Variants in PTCHD1 observed in about 807,000 individuals in gnomAD.
The protein encoded by PTCHD1 is patched domain containing 1.
Under a neutral mutation model 34.6 loss-of-function variants are expected in PTCHD1, and 3 were observed. That is an observed-to-expected ratio of 0.09 (90% CI 0.04 to 0.22). The LOEUF (loss-of-function observed/expected upper bound fraction) is 0.22, where lower values mean the gene tolerates loss of function less well. Ranked by LOEUF, PTCHD1 falls within the 10% of genes least tolerant of loss-of-function variation. The pLI is 1.00. For synonymous variants in PTCHD1, 305 were observed against 283.1 expected (o/e 1.08, Z -0.77); for missense variants, 504 against 685.5 (o/e 0.74, Z 2.96).
chrX:23,356,714 G>C (rs1382225504), intron 1 of PTCHD1, among the ~76,000 whole-genome samples: 1 of 112,238 alleles, frequency 8.9e-6, no homozygotes, highest in Non-Finnish European at 1.9e-5. Flanking sequence ...CAGCATGAGA[G>C]AGGCAGTTGC....
intron 2 of PTCHD1, 45 bp downstream of exon 2, chrX:23,380,296 T>G (rs780949048): frequency 2.2e-5 from 25 of 1,124,392 alleles, no homozygotes; most frequent in East Asian, 3.0e-5. Context: ...GCTGGTGGTG[T>G]TGACTAGGTT....
chrX:23,392,240 C>T (rs1922856789), intron 2 of PTCHD1, among the ~76,000 whole-genome samples: 1 of 109,131 alleles, frequency 9.2e-6, no homozygotes, highest in South Asian at 4.0e-4. Context: ...AAAAGTTCAT[C>T]TAAGTGCTGT....
chrX:23,397,804 A>G lies in PTCHD1; in HGVS notation c.*3619A>G, dbSNP rs1923027354. The stretch of plus-strand genomic sequence containing the variant: ...AGCTCAGCTGTGTCCATCACAAGAA[A>G]AGGTGGAATGGGCAGCTGTCTTGGG... On this transcript the variant is annotated 3_prime_UTR_variant, in exon 3 of 3. Transcript: ENST00000379361. 1.8e-5 allele frequency: 2 copies of G among 111,424 alleles called. No homozygotes were observed. The highest frequency in any genetic ancestry group is 1.9e-4 in the Admixed American group (2 of 10,488). The allele number at this position is 111,424 out of a possible 1,213,427, so 9.2% of individuals were successfully genotyped here.
intron 1 of PTCHD1, among the ~76,000 whole-genome samples, chrX:23,371,274 C>G (rs1922271078): frequency 9.0e-6 from 1 of 111,668 alleles, no homozygotes; most frequent in Non-Finnish European, 1.9e-5. Context: ...AACCTGGAGT[C>G]AAGCACTTCA....
intron 1 of PTCHD1, among the ~76,000 whole-genome samples, chrX:23,377,974 TC>T (rs1922456889): frequency 8.9e-6 from 1 of 112,044 alleles, no homozygotes; most frequent in Non-Finnish European, 1.9e-5. Context: ...AATTCTAGCT[TC>T]TTTACAGATG....
At chrX:23,390,338 AAAAAAAAC>A (rs1261158984) in intron 2 of PTCHD1, among the ~76,000 whole-genome samples, 10 of 109,132 alleles carry the variant, frequency 9.2e-5, no homozygotes, top group African/African-American at 3.4e-4. Context: ...GGAAAAAAAA[AAAAAAAAC>A]AAAAAAAACA....
intron 1 of PTCHD1, among the ~76,000 whole-genome samples, chrX:23,371,416 T>A (rs1161379474): frequency 8.9e-6 from 1 of 111,841 alleles, no homozygotes; most frequent in Non-Finnish European, 1.9e-5. Flanking sequence ...TGGAGTTTAA[T>A]CCTGCTGGGG....
chrX:23,392,742 T>C lies in PTCHD1; in HGVS notation c.1224T>C (p.Ile408=). 4.1e-6 allele frequency: 5 copies of C among 1,211,914 alleles called. No individual in the cohort carries two copies. The South Asian group carries it at 5.3e-5, about 13-fold the overall frequency. Residue 408 remains isoleucine (I), a synonymous_variant, in exon 3 of 3, where the codon ATT becomes ATC. Coordinates refer to ENST00000379361, the MANE Select transcript of PTCHD1 (RefSeq NM_173495.3). ...AARIFCCNSC[I]AIFFNYLYVL... is the part of the protein sequence containing the mutation. ...GGATTTTCTGCTGCAATTCCTGTATTGCAATCTTCTTCAACTACCTCTATG... is the reference window on the plus strand; with the variant it reads ...GGATTTTCTGCTGCAATTCCTGTATCGCAATCTTCTTCAACTACCTCTATG...
Position 23,380,470 on chromosome X carries a change from G to T in PTCHD1, c.1012+219G>T, listed in dbSNP as rs760595067. ...GTTCAAAGTCCTGGGTTCTAGCGCTGACTCTCCATTGAGCAGCCATGTGGT... is the reference window on the plus strand; with the variant it reads ...GTTCAAAGTCCTGGGTTCTAGCGCTTACTCTCCATTGAGCAGCCATGTGGT... On this transcript the variant is annotated intron_variant, in intron 2 of 2. Transcript: ENST00000379361. 892 of 471,204 alleles carry T rather than the reference G, an allele frequency of 1.9e-3. 3 individuals carry two copies. Among genetic ancestry groups the T allele is most frequent in the Middle Eastern group, 5.7e-3 (10 of 1,769 alleles). The allele number at this position is 471,204 out of a possible 1,213,427, so 38.8% of individuals were successfully genotyped here. A position where few individuals can be genotyped will look rare whatever the true frequency, so the allele number is the denominator to read the frequency against.
At chrX:23,377,043 G>A (rs765502322) in intron 1 of PTCHD1, among the ~76,000 whole-genome samples, 21 of 112,142 alleles carry the variant, frequency 1.9e-4, no homozygotes, top group Middle Eastern at 9.2e-3. Flanking sequence ...ACAGTTGGAA[G>A]ATCCCTAAAG....
At position 23,382,917 on chromosome X, in the gene PTCHD1, G is replaced by A. The variant is rs1922601418; in HGVS notation, c.1012+2666G>A. On this transcript the variant is annotated intron_variant, in intron 2 of 2. Coordinates refer to ENST00000379361, the MANE Select transcript of PTCHD1 (RefSeq NM_173495.3). ...ATAAAGCTAACAGTGCCTGGATTTA[G>A]GATGGTCGCCCTCCTGTATTTCTCA... is the stretch of plus-strand genomic sequence containing the variant. Among the ~76,000 whole-genome samples the A allele has an allele frequency of 3.6e-5, 4 of 112,411 alleles. No homozygotes were observed. The South Asian group carries it at 1.1e-3, about 31-fold the overall frequency.
intron 1 of PTCHD1, among the ~76,000 whole-genome samples, chrX:23,377,594 G>A (rs948907546): frequency 3.7e-5 from 4 of 108,819 alleles, no homozygotes; most frequent in African/African-American, 1.0e-4. Context: ...GTGTGTGTGT[G>A]TGTGTGTGTG....
At chrX:23,356,124 G>A (rs1179872562) in intron 1 of PTCHD1, among the ~76,000 whole-genome samples, 1 of 111,934 alleles carries the variant, frequency 8.9e-6, no homozygotes, top group Admixed American at 9.5e-5. Context: ...TTCAGGACAT[G>A]CAAGGGGAAG....
chrX:23,387,725 A>ATC (rs1359718737), intron 2 of PTCHD1, among the ~76,000 whole-genome samples: 3 of 110,120 alleles, frequency 2.7e-5, no homozygotes, highest in East Asian at 2.9e-4. Flanking sequence ...GCTCCCTTCA[A>ATC]TCTCTCTCTC....
chrX:23,336,503 G>A (rs1466350803), intron 1 of PTCHD1, among the ~76,000 whole-genome samples: 1 of 111,770 alleles, frequency 8.9e-6, no homozygotes, highest in African/African-American at 3.3e-5. Flanking sequence ...ACAGGTAATA[G>A]TTTATCCCTA....
At chrX:23,335,269 CCGCGGT>C (rs1213806320) in intron 1 of PTCHD1, 43 bp downstream of exon 1, 1 of 1,089,932 alleles carries the variant, frequency 9.2e-7, no homozygotes, top group Non-Finnish European at 1.3e-6. Context: ...AGCGCCGCGG[CCGCGGT>C]CGGGCTGGCT....
rs1922917968 is a variant in PTCHD1 at position 23,394,321 on chromosome X, A to AGG, written c.*136_*137insGG. ...CATTGCCAAAAAAAAAAAAAAAAAAAAAAGGAAAGGACAGTGGGGAGAAAT... is the reference window on the plus strand; with the variant it reads ...CATTGCCAAAAAAAAAAAAAAAAAAAGGAAAGGAAAGGACAGTGGGGAGAAAT... On this transcript the variant is annotated 3_prime_UTR_variant, in exon 3 of 3. Coordinates refer to ENST00000379361, the MANE Select transcript of PTCHD1 (RefSeq NM_173495.3). The AGG allele has an allele frequency of 2.1e-6, 1 of 481,271 alleles. No homozygotes were observed. Among genetic ancestry groups the AGG allele is most frequent in the African/African-American group, 2.5e-5 (1 of 39,699 alleles). 39.7% of individuals were successfully genotyped at this position (481,271 alleles called of 1,213,427 possible).
intron 1 of PTCHD1, among the ~76,000 whole-genome samples, chrX:23,348,559 G>A (rs1185320682): frequency 9.0e-6 from 1 of 110,571 alleles, no homozygotes; most frequent in Non-Finnish European, 1.9e-5. Context: ...GGGTCGGGGG[G>A]ACACCTTATA....
rs181737817 is a variant in PTCHD1, at chrX:23,395,745, G to C, written c.*1560G>C. The C allele has an allele frequency of 8.9e-6, 1 of 111,988 alleles. No homozygotes were observed. Among genetic ancestry groups the C allele is most frequent in the African/African-American group, 3.3e-5 (1 of 30,717 alleles). The allele number at this position is 111,988 out of a possible 1,213,427, so 9.2% of individuals were successfully genotyped here. A position where few individuals can be genotyped will look rare whatever the true frequency, so the allele number is the denominator to read the frequency against. ...GTTACATTTGAAGCAAATATCTACA[G>C]TATTTTTCCCTTTTAGAGATGTAGC... On this transcript the variant is annotated 3_prime_UTR_variant, in exon 3 of 3. Coordinates refer to ENST00000379361, the MANE Select transcript of PTCHD1 (RefSeq NM_173495.3).
Sources: gnomAD v4.1 joint callset for allele counts (sites outside exome capture counted in the v4.1 genomes callset) on GRCh38, gnomAD v4.1.1 for gene constraint, MANE v1.5 for transcripts, NCBI Gene and HGNC (gene_info 2026-07-23, HGNC 2026-07-21) for gene names.